SYT17: variants seen among roughly 807,000 people sequenced by gnomAD.
SYT17 encodes synaptotagmin-17.
Under a neutral mutation model 46.7 loss-of-function variants are expected in SYT17, and 22 were observed. The observed-to-expected ratio is 0.47, with a 90% CI of 0.34 to 0.67. SYT17 has a LOEUF of 0.67. Ranked by LOEUF, SYT17 falls within the 30% of genes least tolerant of loss-of-function variation. SYT17 has a pLI of 0.01. For missense variants in SYT17, 519 were observed against 612.8 expected (o/e 0.85, Z 1.62); for synonymous variants, 251 against 248.4 (o/e 1.01, Z -0.10).
intron 7 of SYT17, among the ~76,000 whole-genome samples, chr16:19,241,735 C>T (rs145745045): frequency 6.4e-4 from 97 of 152,248 alleles, no homozygotes; most frequent in African/African-American, 2.2e-3. Flanking sequence ...CCCACAGCTA[C>T]GGCGGGGCAG....
intron 5 of SYT17, among the ~76,000 whole-genome samples, chr16:19,188,678 A>T (rs951110867): frequency 6.6e-6 from 1 of 152,168 alleles, no homozygotes; most frequent in Non-Finnish European, 1.5e-5. Flanking sequence ...ACAAAAATTT[A>T]TTGTCTCACA....
intron 1 of SYT17, chr16:19,171,287 A>G (rs1429543155): frequency 2.9e-5 from 3 of 104,148 alleles, no homozygotes; most frequent in Admixed American, 1.1e-4. Flanking sequence ...TACCACCTAT[A>G]CTATGATGAT....
At chr16:19,244,546 G>A (rs2142981741) in intron 7 of SYT17, among the ~76,000 whole-genome samples, 1 of 152,130 alleles carries the variant, frequency 6.6e-6, no homozygotes, top group East Asian at 1.9e-4. Context: ...TTTTGCCCAA[G>A]CTGGTCTTGA....
At chr16:19,201,846 A>T (rs546164630) in intron 5 of SYT17, among the ~76,000 whole-genome samples, 4 of 152,166 alleles carry the variant, frequency 2.6e-5, no homozygotes, top group African/African-American at 9.7e-5. Flanking sequence ...TAGTCCAGGC[A>T]TTAGTGTTCC....
chr16:19,202,043 G>A (rs4258598), intron 5 of SYT17, among the ~76,000 whole-genome samples: 1 of 152,044 alleles, frequency 6.6e-6, no homozygotes, highest in Non-Finnish European at 1.5e-5. Context: ...AGTTTGTGGG[G>A]TTTTTTTCCT....
intron 7 of SYT17, among the ~76,000 whole-genome samples, chr16:19,245,993 T>A (rs982101068): frequency 6.6e-6 from 1 of 151,990 alleles, no homozygotes; most frequent in Non-Finnish European, 1.5e-5. Context: ...AATTCCTATA[T>A]TTTGTATATT....
intron 7 of SYT17, among the ~76,000 whole-genome samples, chr16:19,266,399 A>C (rs1313263917): frequency 6.6e-6 from 1 of 152,262 alleles, no homozygotes; most frequent in Non-Finnish European, 1.5e-5. Context: ...TCCACAGGAC[A>C]GTTACGGCAA....
chr16:19,192,824 G>C (rs1197170776), intron 5 of SYT17, among the ~76,000 whole-genome samples: 1 of 152,196 alleles, frequency 6.6e-6, no homozygotes, highest in Non-Finnish European at 1.5e-5. Flanking sequence ...TTCTACTACT[G>C]TGATGGTTCT....
At chr16:19,259,889 G>A (rs1439739591) in intron 7 of SYT17, among the ~76,000 whole-genome samples, 1 of 152,054 alleles carries the variant, frequency 6.6e-6, no homozygotes, top group African/African-American at 2.4e-5. Context: ...CGCCCAAGGT[G>A]GTCAGGCTAC....
intron 6 of SYT17, among the ~76,000 whole-genome samples, chr16:19,224,427 A>T (rs1567220330): frequency 6.6e-6 from 1 of 152,166 alleles, no homozygotes; most frequent in Non-Finnish European, 1.5e-5. Context: ...GAGAAATTGG[A>T]TGGATAGAAA....
chr16:19,182,580 C>G (rs1964601420), intron 4 of SYT17, among the ~76,000 whole-genome samples: 1 of 152,198 alleles, frequency 6.6e-6, no homozygotes, highest in African/African-American at 2.4e-5. Context: ...ATGCCCAGCT[C>G]TGAACACAGG....
At chr16:19,262,019 T>C (rs1969008251) in intron 7 of SYT17, among the ~76,000 whole-genome samples, 1 of 152,130 alleles carries the variant, frequency 6.6e-6, no homozygotes, top group Admixed American at 6.5e-5. Flanking sequence ...GGAAAACAAA[T>C]CAAGGATGTT....
intron 5 of SYT17, among the ~76,000 whole-genome samples, chr16:19,218,733 T>G (rs1966188355): frequency 6.6e-6 from 1 of 152,204 alleles, no homozygotes; most frequent in South Asian, 2.1e-4. Flanking sequence ...CTGCCAGGAT[T>G]GGGCAGAGCC....
intron 7 of SYT17, among the ~76,000 whole-genome samples, chr16:19,246,008 A>G (rs1333329884): frequency 6.6e-6 from 1 of 151,080 alleles, no homozygotes; most frequent in Non-Finnish European, 1.5e-5. Context: ...TATATTATTT[A>G]TTTATTTTTT....
In SYT17 at chr16:19,172,729, C is replaced by T. The variant is rs766779370; in HGVS notation, c.16-31C>T. On this transcript the variant is annotated intron_variant, in intron 1 of 7. Coordinates refer to ENST00000355377, the MANE Select transcript of SYT17 (RefSeq NM_016524.4). ...TTTAACCCCTTCGTTCCCTTACGCC[C>T]TTGGCTTCATCGTGGATCTTAAAAG... 7.4e-6 allele frequency: 12 copies of T among 1,613,666 alleles called. No individual in the cohort carries two copies. The East Asian group carries it at 2.5e-4, about 33-fold the overall frequency.
chr16:19,195,399 CCTTT>C (rs1965196658), intron 5 of SYT17, among the ~76,000 whole-genome samples: 1 of 144,290 alleles, frequency 6.9e-6, no homozygotes, highest in South Asian at 2.2e-4. Flanking sequence ...ACAAAACAAA[CCTTT>C]TTTTTTTTTT....
At chr16:19,230,795 A>G (rs1327051763) in intron 7 of SYT17, among the ~76,000 whole-genome samples, 1 of 152,204 alleles carries the variant, frequency 6.6e-6, no homozygotes, top group African/African-American at 2.4e-5. Flanking sequence ...CCTCACCTGT[A>G]AAATGGGGAT....
At position 19,168,644 on chromosome 16, in the gene SYT17, A is replaced by G; in HGVS notation, c.-3A>G. 6.5e-7 allele frequency: 1 copy of G among 1,537,508 alleles called. No individual in the cohort carries two copies. The highest frequency in any genetic ancestry group is 8.8e-7 in the Non-Finnish European group (1 of 1,140,306). On this transcript the variant is annotated 5_prime_UTR_variant, in exon 1 of 8. Coordinates refer to ENST00000355377, the MANE Select transcript of SYT17 (RefSeq NM_016524.4). This position sits in a 1 kb window ranked among gnomAD's most constrained non-coding sequence, Gnocchi z 6.9. ...GGGCCGGAGTGAGTGCGCGCGGGCG[A>G]AAATGGCGTACATCCAGGTAGGGCT...
At chr16:19,262,309 G>C (rs1017454186) in intron 7 of SYT17, among the ~76,000 whole-genome samples, 23 of 152,190 alleles carry the variant, frequency 1.5e-4, no homozygotes, top group African/African-American at 5.6e-4. Context: ...AGAAACCCAA[G>C]AGAACTGTCT....
Sources: gnomAD v4.1 joint callset for allele counts (sites outside exome capture counted in the v4.1 genomes callset) on GRCh38, gnomAD v4.1.1 for gene constraint, Gnocchi (gnomAD v3.1) non-coding constraint, MANE v1.5 for transcripts, NCBI Gene and HGNC (gene_info 2026-07-23, HGNC 2026-07-21) for gene names.